Variants in BTN1A1 observed in about 807,000 individuals in gnomAD.
BTN1A1 encodes the protein butyrophilin subfamily 1 member A1.
Under a neutral mutation model 33.1 loss-of-function variants are expected in BTN1A1, and 26 were observed. The ratio of observed to expected loss-of-function variants is 0.79; its 90% CI spans 0.58 to 1.09. BTN1A1 has a LOEUF of 1.09. Ranked by LOEUF, BTN1A1 falls within the 50% of genes least tolerant of loss-of-function variation. BTN1A1 has a pLI of 0.00. For missense variants in BTN1A1, 558 were observed against 655.7 expected (o/e 0.85, Z 1.63); for synonymous variants, 235 against 256.2 (o/e 0.92, Z 0.79).
At chr6:26,504,321 C>G (rs1446308551) in intron 3 of BTN1A1, among the ~76,000 whole-genome samples, 1 of 152,118 alleles carries the variant, frequency 6.6e-6, no homozygotes, top group Non-Finnish European at 1.5e-5. Flanking sequence ...AGACCACTAA[C>G]CCACCTCTGA....
At position 26,505,865 on chromosome 6, in the gene BTN1A1, T is replaced by C. The variant is rs1033173327; in HGVS notation, c.709+659T>C. ...CGGGCGTGGTGGCTCACGCCTGTAA[T>C]CCCAGCACTTTGTGAGGCCGAGACA... On this transcript the variant is annotated intron_variant, in intron 4 of 7. Coordinates refer to ENST00000684113, the MANE Select transcript of BTN1A1 (RefSeq NM_001732.3). 2.7e-5 allele frequency among the ~76,000 whole-genome samples: 4 copies of C among 150,646 alleles called. No individual in the cohort carries two copies. In the East Asian group the frequency reaches 6.1e-4, roughly 23 times the overall value.
At chr6:26,504,320 A>C (rs1295651900) in intron 3 of BTN1A1, among the ~76,000 whole-genome samples, 2 of 151,846 alleles carry the variant, frequency 1.3e-5, no homozygotes, top group East Asian at 3.9e-4. Flanking sequence ...TAGACCACTA[A>C]CCCACCTCTG....
chr6:26,506,123 CAAAA>C (rs34524548), intron 4 of BTN1A1, among the ~76,000 whole-genome samples: 1 of 130,092 alleles, frequency 7.7e-6, no homozygotes, highest in Admixed American at 7.8e-5. Flanking sequence ...GACTGCATCT[CAAAA>C]AAAAAAAAAA....
At chr6:26,508,398 C>T (rs1763899122) in intron 7 of BTN1A1, 103 bp from the exon 8 acceptor site, 1 of 1,324,680 alleles carries the variant, frequency 7.5e-7, no homozygotes, top group African/African-American at 1.5e-5. Context: ...TCCAGAAGAC[C>T]TGTCAACTCC....
rs1036826138 is a variant in BTN1A1, at chr6:26,502,046, G to A, written c.427+109G>A. On this transcript the variant is annotated intron_variant, in intron 3 of 7. Coordinates refer to ENST00000684113, the MANE Select transcript of BTN1A1 (RefSeq NM_001732.3). ...GATTCATTCTCAAAATCTCTTTTAG[G>A]TTGATGTCGCCGGGGAGGGACGACT... 3 of 1,383,168 alleles carry A rather than the reference G, an allele frequency of 2.2e-6. No individual in the cohort carries two copies. The Admixed American group carries it at 9.3e-5, about 43-fold the overall frequency. The allele number at this position is 1,383,168 out of a possible 1,614,324, so 85.7% of individuals were successfully genotyped here.
At chr6:26,503,520 C>T (rs1403357564) in intron 3 of BTN1A1, among the ~76,000 whole-genome samples, 1 of 151,246 alleles carries the variant, frequency 6.6e-6, no homozygotes, top group Admixed American at 6.6e-5. Context: ...GAAATGACCT[C>T]GCCAATTCTA....
rs1266150247 is a variant in BTN1A1 at position 26,501,188 on chromosome 6, T to C, written c.-57-42T>C. On this transcript the variant is annotated intron_variant, in intron 1 of 7. Transcript: ENST00000684113. The surrounding 1 kb of genome is among the most constrained non-coding windows in gnomAD (Gnocchi z 5.2). ...AGAGAGGACTTTGGAAAGCGGAGGG[T>C]TGACAGAGCCGGTAGTTGTCTCCTG... 1.9e-6 allele frequency: 2 copies of C among 1,027,028 alleles called. No individual in the cohort carries two copies. Among genetic ancestry groups the C allele is most frequent in the Non-Finnish European group, 3.1e-6 (2 of 653,098 alleles). The allele number at this position is 1,027,028 out of a possible 1,614,324, so 63.6% of individuals were successfully genotyped here. A position where few individuals can be genotyped will look rare whatever the true frequency, so the allele number is the denominator to read the frequency against.
At chr6:26,506,538 G>A in intron 4 of BTN1A1, 145 bp from the exon 5 acceptor site, 1 of 750,982 alleles carries the variant, frequency 1.3e-6, no homozygotes, top group South Asian at 2.0e-5. Flanking sequence ...AGTTTAGAGT[G>A]GCATTGGAGT....
chr6:26,506,692 T>C lies in BTN1A1; in HGVS notation c.719T>C (p.Leu240Pro). The change falls in exon 5 of 8, where the codon CTC becomes CCC. Residue 240 changes from leucine (L) to proline (P), a missense_variant. Physicochemically the swap from Leu to Pro is moderately conservative, Grantham distance 98. Coordinates refer to ENST00000684113, the MANE Select transcript of BTN1A1 (RefSeq NM_001732.3). ...GGGGATTTTGTTTTAGCTTCCTCCC[T>C]CCCAAGGCTGACTCCCTGGATAGTG... ...KVEISIPASSLPRLTPWIVAV... is the reference protein window; with the variant it reads ...KVEISIPASSPPRLTPWIVAV... 3.7e-6 allele frequency: 6 copies of C among 1,613,940 alleles called. No individual in the cohort carries two copies. The highest frequency in any genetic ancestry group is 5.1e-6 in the Non-Finnish European group (6 of 1,179,990).
intron 5 of BTN1A1, 114 bp from the exon 6 acceptor site, chr6:26,507,836 T>C: frequency 9.0e-7 from 1 of 1,105,242 alleles, no homozygotes. Context: ...TGCTTCAATA[T>C]TCAAATAGTC....
At position 26,508,941 on chromosome 6, in the gene BTN1A1, G is replaced by A. The variant is rs146952437; in HGVS notation, c.1348G>A (p.Val450Ile). 3 of 1,614,088 alleles carry A rather than the reference G, an allele frequency of 1.9e-6. No individual in the cohort carries two copies. In the African/African-American group the frequency reaches 4.0e-5, roughly 22 times the overall value. The change falls in exon 8 of 8, where the codon GTC becomes ATC. Residue 450 changes from valine (V) to isoleucine (I), a missense_variant. By Grantham distance (29) the Val-to-Ile change is conservative. Coordinates refer to ENST00000684113, the MANE Select transcript of BTN1A1 (RefSeq NM_001732.3). ...ATCTGATATCTATACTTTCTCCAATGTCACTTTCTCTGGCCCCCTCCGGCC... is the reference window on the plus strand; with the variant it reads ...ATCTGATATCTATACTTTCTCCAATATCACTTTCTCTGGCCCCCTCCGGCC... ...DGSDIYTFSN[V>I]TFSGPLRPFF...
intron 4 of BTN1A1, among the ~76,000 whole-genome samples, chr6:26,505,543 G>A (rs2113892548): frequency 6.6e-6 from 1 of 152,294 alleles, no homozygotes; most frequent in Admixed American, 6.5e-5. Context: ...TCCTGCCTCA[G>A]CCTCCAGAAT....
At chr6:26,508,354 G>A (rs1763898300) in intron 7 of BTN1A1, 147 bp from the exon 8 acceptor site, 1 of 1,000,330 alleles carries the variant, frequency 1.0e-6, no homozygotes, top group Non-Finnish European at 1.5e-6. Flanking sequence ...TGTGGTGAAT[G>A]GAGACCCCTG....
chr6:26,505,614 C>T (rs535814303), intron 4 of BTN1A1, among the ~76,000 whole-genome samples: 1 of 152,192 alleles, frequency 6.6e-6, no homozygotes, highest in Admixed American at 6.5e-5. Flanking sequence ...TTAGCGAAGG[C>T]AGGGTTTCAC....
Position 26,508,589 on chromosome 6 carries a change from G to C in BTN1A1, c.996G>C (p.Gln332His). Residue 332 changes from glutamine to histidine, a missense_variant, in exon 8 of 8, where the codon CAG becomes CAC. By Grantham distance (24) the Gln-to-His change is conservative. Transcript: ENST00000684113. ...SKSVRLEDSRQKLPEKTERFD... is the reference protein window; with the variant it reads ...SKSVRLEDSRHKLPEKTERFD... ...CTGTTCGACTGGAAGATTCACGTCA[G>C]AAACTGCCTGAGAAAACAGAGAGAT... The C allele has an allele frequency of 6.2e-7, 1 of 1,614,198 alleles. No individual in the cohort carries two copies. The highest frequency in any genetic ancestry group is 8.5e-7 in the Non-Finnish European group (1 of 1,180,032).
Position 26,508,499 on chromosome 6 carries a change from A to C in BTN1A1, c.908-2A>C. ...TCAGACCTGCTGTTTCTTTCTCTCCAGTTGATGTGACTCTGGACCCAGACA... is the reference window on the plus strand; with the variant it reads ...TCAGACCTGCTGTTTCTTTCTCTCCCGTTGATGTGACTCTGGACCCAGACA... On this transcript the variant is annotated splice_acceptor_variant, in intron 7 of 7. Transcript: ENST00000684113. LOFTEE classifies it high-confidence loss of function. 1 of 1,608,840 alleles carries C rather than the reference A, an allele frequency of 6.2e-7. No individual in the cohort carries two copies. Among genetic ancestry groups the C allele is most frequent in the Non-Finnish European group, 8.5e-7 (1 of 1,177,188 alleles).
Position 26,508,883 on chromosome 6 carries a change from A to G in BTN1A1, c.1290A>G (p.Ser430=), listed in dbSNP as rs777779954. The G allele has an allele frequency of 6.2e-6, 10 of 1,614,076 alleles. No homozygotes were observed. Among genetic ancestry groups the G allele is most frequent in the Non-Finnish European group, 8.5e-6 (10 of 1,180,026 alleles). The change falls in exon 8 of 8, where the codon TCA becomes TCG. Residue 430 remains serine (S), a synonymous_variant. Transcript: ENST00000684113. ...RRVGIFLDYE[S]GDISFYNMND... is the part of the protein sequence containing the mutation. ...TTGGGATTTTCCTAGACTATGAATC[A>G]GGAGACATCTCCTTCTACAACATGA...
rs1980600 is a variant in BTN1A1 at position 26,508,501 on chromosome 6, T to C, written c.908T>C (p.Val303Ala). The C allele has an allele frequency of 7.6e-4, 1,229 of 1,609,544 alleles. 17 individuals are homozygous for C. The East Asian group carries it at 0.026, about 34-fold the overall frequency. The part of the protein sequence containing the change: ...LKWKKATLHA[V>A]DVTLDPDTAH... ...AGACCTGCTGTTTCTTTCTCTCCAG[T>C]TGATGTGACTCTGGACCCAGACACA... Residue 303 changes from valine (V) to alanine (A), a missense_variant and splice_region_variant, in exon 8 of 8, where the codon GTT becomes GCT. Val to Ala is a moderately conservative substitution (Grantham distance 64). Coordinates refer to ENST00000684113, the MANE Select transcript of BTN1A1 (RefSeq NM_001732.3).
intron 1 of BTN1A1, among the ~76,000 whole-genome samples, chr6:26,500,946 T>A (rs1763790431): frequency 6.6e-6 from 1 of 150,958 alleles, no homozygotes; most frequent in Admixed American, 6.6e-5. Context: ...AAAAGGAGAC[T>A]TTTTTTTTAG....
Sources: gnomAD v4.1 joint callset for allele counts (sites outside exome capture counted in the v4.1 genomes callset) on GRCh38, gnomAD v4.1.1 for gene constraint, Gnocchi (gnomAD v3.1) non-coding constraint, MANE v1.5 for transcripts, NCBI Gene and HGNC (gene_info 2026-07-23, HGNC 2026-07-21) for gene names.